DHX33: variants seen among roughly 807,000 people sequenced by gnomAD.
DHX33 encodes ATP-dependent RNA helicase DHX33.
DHX33 carries 42 observed loss-of-function variants against 72.5 expected under a neutral mutation model. The observed-to-expected ratio is 0.58, with a 90% CI of 0.45 to 0.75. The LOEUF is 0.75. Ranked by LOEUF, DHX33 falls within the 30% of genes least tolerant of loss-of-function variation. The pLI is 0.00. For synonymous variants in DHX33, 358 were observed against 366.1 expected, an observed-to-expected ratio of 0.98 and a Z score of 0.25; for missense variants, 842 against 917.5, an observed-to-expected ratio of 0.92 and a Z score of 1.06.
At chr17:5,463,779 G>A (rs1904751265) in intron 1 of DHX33, 90 bp from the exon 2 acceptor site, 1 of 1,301,722 alleles carries the variant, frequency 7.7e-7, no homozygotes, top group Non-Finnish European at 1.0e-6. Context: ...TCAGCACTTT[G>A]GGAGGCCGAG....
At chr17:5,460,045 C>G (rs960387787) in intron 4 of DHX33, among the ~76,000 whole-genome samples, 1 of 146,656 alleles carries the variant, frequency 6.8e-6, no homozygotes, top group Non-Finnish European at 1.5e-5. Flanking sequence ...GACAGACCCT[C>G]GCCCTGTCAC....
chr17:5,463,422 C>T (rs1904731530), intron 2 of DHX33, 107 bp downstream of exon 2: 24 of 1,166,972 alleles, frequency 2.1e-5, no homozygotes, highest in Non-Finnish European at 2.8e-5. Context: ...GGCAAGAAAG[C>T]AGCTCACTAT....
Position 5,450,381 on chromosome 17 carries a change from T to C in DHX33, c.1550A>G (p.His517Arg). 1 of 1,613,956 alleles carries C rather than the reference T, an allele frequency of 6.2e-7. No homozygotes were observed. Among genetic ancestry groups the C allele is most frequent in the Non-Finnish European group, 8.5e-7 (1 of 1,179,942 alleles). ...AATGGTCAGGATCTCCTCTGTACAGTGGAATTTGGGGGACATGAGGATGGT... is the reference window on the plus strand; with the variant it reads ...AATGGTCAGGATCTCCTCTGTACAGCGGAATTTGGGGGACATGAGGATGGT... ...AKTILMSPKF[H>R]CTEEILTIVS... The change falls in exon 10 of 12, where the codon CAC (histidine) becomes CGC (arginine). Residue 517 changes from histidine (H) to arginine (R), a missense_variant. His to Arg is a conservative substitution (Grantham distance 29). Coordinates refer to ENST00000225296, the MANE Select transcript of DHX33 (RefSeq NM_020162.4).
Position 5,450,806 on chromosome 17 carries a change from CT to C in DHX33, c.1524del (p.Thr509ProfsTer15), listed in dbSNP as rs1488203560. ...AAFPLEPKFA[K>X]TILMSPKFHC... ...AGGACTGAGGAGAGGGTATCATTTA[CT>C]TTGGCAAATTTGGGTTCTAAAGGAA... is the stretch of plus-strand genomic sequence containing the variant. On this transcript the variant is annotated frameshift_variant and splice_region_variant, in exon 9 of 12. Transcript: ENST00000225296. LOFTEE classifies it high-confidence loss of function. The C allele has an allele frequency of 6.2e-7, 1 of 1,614,078 alleles. No individual in the cohort carries two copies. The highest frequency in any genetic ancestry group is 8.5e-7 in the Non-Finnish European group (1 of 1,180,042).
At chr17:5,448,000 G>A (rs1272440256) in intron 11 of DHX33, among the ~76,000 whole-genome samples, 1 of 152,088 alleles carries the variant, frequency 6.6e-6, no homozygotes, top group African/African-American at 2.4e-5. Flanking sequence ...CCAACGTGGT[G>A]AAACCCCGTC....
rs1237412735 is a variant in DHX33, at chr17:5,442,995, C to G, written c.*1210G>C. The G allele has an allele frequency of 6.6e-6, 1 of 152,084 alleles. No homozygotes were observed. Among genetic ancestry groups the G allele is most frequent in the Non-Finnish European group, 1.5e-5 (1 of 68,014 alleles). The allele number at this position is 152,084 out of a possible 1,614,324, so 9.4% of individuals were successfully genotyped here. A position where few individuals can be genotyped will look rare whatever the true frequency, so the allele number is the denominator to read the frequency against. The stretch of plus-strand genomic sequence containing the variant: ...TAGAAAGCAGCAAAGCCAGATTGTC[C>G]CAAGTCCCTACGAAGAAGGAAAAAA... On this transcript the variant is annotated 3_prime_UTR_variant, in exon 12 of 12. Coordinates refer to ENST00000225296, the MANE Select transcript of DHX33 (RefSeq NM_020162.4).
Position 5,468,967 on chromosome 17 carries a change from G to A in DHX33, c.-108C>T. 1.4e-6 allele frequency: 1 copy of A among 735,636 alleles called. No homozygotes were observed. Among genetic ancestry groups the A allele is most frequent in the Non-Finnish European group, 2.1e-6 (1 of 478,266 alleles). 45.6% of individuals were successfully genotyped at this position (735,636 alleles called of 1,614,324 possible). Reference sequence around the variant, plus strand: ...CCTTCCTCGCCGCCACGTGCTGGCGGCTCCCGGCGACCACCGATGACCTCA... The same window carrying A: ...CCTTCCTCGCCGCCACGTGCTGGCGACTCCCGGCGACCACCGATGACCTCA... On this transcript the variant is annotated 5_prime_UTR_variant, in exon 1 of 12. Coordinates refer to ENST00000225296, the MANE Select transcript of DHX33 (RefSeq NM_020162.4).
chr17:5,448,729 A>AAATTTT, intron 11 of DHX33, 80 bp downstream of exon 11: 1 of 999,624 alleles, frequency 1.0e-6, no homozygotes, highest in Non-Finnish European at 1.4e-6. Context: ...TATAATCACT[A>AAATTTT]GCAATAAGCA....
intron 8 of DHX33, among the ~76,000 whole-genome samples, chr17:5,452,752 A>G (rs767411239): frequency 5.3e-5 from 8 of 152,136 alleles, no homozygotes; most frequent in Non-Finnish European, 1.2e-4. Context: ...AATAAAATCA[A>G]ACACACTACA....
intron 1 of DHX33, among the ~76,000 whole-genome samples, chr17:5,465,040 G>A (rs1187698083): frequency 6.6e-6 from 1 of 152,246 alleles, no homozygotes; most frequent in Non-Finnish European, 1.5e-5. Context: ...CAGAAGGGAA[G>A]CTCCCAGAGG....
chr17:5,468,273 C>T (rs1424132021), intron 1 of DHX33, among the ~76,000 whole-genome samples: 1 of 152,204 alleles, frequency 6.6e-6, no homozygotes, highest in African/African-American at 2.4e-5. Context: ...CGCCTCCTCA[C>T]AAACCGGGTC....
At chr17:5,460,582 T>C (rs1468722762) in intron 4 of DHX33, among the ~76,000 whole-genome samples, 3 of 151,642 alleles carry the variant, frequency 2.0e-5, no homozygotes, top group Non-Finnish European at 4.4e-5. Flanking sequence ...TCTCGCCTCA[T>C]TGCAACTTCC....
chr17:5,464,209 G>C (rs542709231), intron 1 of DHX33, among the ~76,000 whole-genome samples: 6 of 151,858 alleles, frequency 4.0e-5, no homozygotes, highest in Non-Finnish European at 8.8e-5. Context: ...GCACGCCTGT[G>C]GTCCCAGCTA....
In DHX33 at chr17:5,453,732, T is replaced by C. The variant is rs1313784991; in HGVS notation, c.1308-64A>G. The C allele has an allele frequency of 1.2e-5, 19 of 1,611,448 alleles. No individual in the cohort carries two copies. The African/African-American group carries it at 1.7e-4, about 15-fold the overall frequency. On this transcript the variant is annotated intron_variant, in intron 7 of 11. Coordinates refer to ENST00000225296, the MANE Select transcript of DHX33 (RefSeq NM_020162.4). ...TCTGCCATTGAGTCAGAACCCCTCATGGTGGAGTGTGAGTAAAAACTGCAG... is the reference window on the plus strand; with the variant it reads ...TCTGCCATTGAGTCAGAACCCCTCACGGTGGAGTGTGAGTAAAAACTGCAG...
chr17:5,460,751 C>T (rs1302212706), intron 4 of DHX33, among the ~76,000 whole-genome samples, 188 bp downstream of exon 4: 1 of 152,144 alleles, frequency 6.6e-6, no homozygotes, highest in Non-Finnish European at 1.5e-5. Flanking sequence ...AGGTGATCCA[C>T]CTGCCTCGGC....
intron 4 of DHX33, 45 bp from the exon 5 acceptor site, chr17:5,456,227 C>T: frequency 6.3e-7 from 1 of 1,578,066 alleles, no homozygotes; most frequent in Middle Eastern, 1.7e-4. Flanking sequence ...GATAGAATTG[C>T]AGCTTGCACA....
intron 8 of DHX33, 85 bp downstream of exon 8, chr17:5,453,495 C>T: frequency 9.5e-7 from 1 of 1,052,704 alleles, no homozygotes; most frequent in Non-Finnish European, 1.5e-6. Flanking sequence ...AGGAGATGAC[C>T]AATATACTTT....
At chr17:5,462,867 CAG>C (rs2151691720) in intron 2 of DHX33, among the ~76,000 whole-genome samples, 1 of 152,150 alleles carries the variant, frequency 6.6e-6, no homozygotes, top group Non-Finnish European at 1.5e-5. Flanking sequence ...ATCACGAGGT[CAG>C]GAGTTTGAGA....
intron 4 of DHX33, 151 bp downstream of exon 4, chr17:5,460,788 T>C: frequency 1.1e-6 from 1 of 912,100 alleles, no homozygotes; most frequent in Non-Finnish European, 1.6e-6. Context: ...ATTACAGGCG[T>C]GAGCCACCGC....
Sources: allele counts gnomAD v4.1 joint callset (sites outside exome capture counted in the v4.1 genomes callset), GRCh38; gene constraint gnomAD v4.1.1; transcripts MANE v1.5; gene names NCBI Gene and HGNC (gene_info 2026-07-23, HGNC 2026-07-21).